POGZ: variants seen among roughly 807,000 people sequenced by gnomAD.
The protein encoded by POGZ is pogo transposable element derived with ZNF domain.
A neutral mutation model predicts 134.6 loss-of-function variants in POGZ; 17 were observed. The observed-to-expected ratio is 0.13, with a 90% CI of 0.09 to 0.19. POGZ has a LOEUF of 0.19. POGZ is among the 10% of genes least tolerant of loss of function. The probability of loss-of-function intolerance (pLI) is 1.00; values close to 1 mark genes in which losing one functional copy is unlikely to be tolerated. For synonymous variants in POGZ, 693 were observed against 657.1 expected (o/e 1.05, Z -0.84); for missense variants, 1,306 against 1,769.7 (o/e 0.74, Z 4.70).
In POGZ at chr1:151,404,642, T is replaced by C; in HGVS notation, c.*160A>G. On this transcript the variant is annotated 3_prime_UTR_variant, in exon 19 of 19. Transcript: ENST00000271715. ...TTGGTTTTCCTAATTAATCCACAAA[T>C]CCACAGGGAAGTGTAAGTCAACTTC... is the stretch of plus-strand genomic sequence containing the variant. 1 of 1,373,822 alleles carries C rather than the reference T, an allele frequency of 7.3e-7. No homozygotes were observed. Among genetic ancestry groups the C allele is most frequent in the Non-Finnish European group, 9.4e-7 (1 of 1,067,884 alleles). 85.1% of individuals were successfully genotyped at this position (1,373,822 alleles called of 1,614,324 possible). A position where few individuals can be genotyped will look rare whatever the true frequency, so the allele number is the denominator to read the frequency against.
intron 1 of POGZ, among the ~76,000 whole-genome samples, chr1:151,444,078 C>T (rs1195957279): frequency 6.6e-6 from 1 of 152,162 alleles, no homozygotes; most frequent in South Asian, 2.1e-4. Context: ...TCTTGCAGTG[C>T]CCCAGTGAGT....
At chr1:151,412,805 C>T (rs1201314356) in intron 10 of POGZ, among the ~76,000 whole-genome samples, 1 of 152,080 alleles carries the variant, frequency 6.6e-6, no homozygotes, top group Non-Finnish European at 1.5e-5. Context: ...TAGGAACTGT[C>T]ACTTCTCTAT....
chr1:151,457,876 G>A (rs1662959628), intron 1 of POGZ, among the ~76,000 whole-genome samples: 1 of 150,654 alleles, frequency 6.6e-6, no homozygotes, highest in Non-Finnish European at 1.5e-5. Context: ...GCAGTGAGCA[G>A]AGATCGTGCC....
chr1:151,441,962 G>A (rs1431400108), intron 2 of POGZ, 119 bp downstream of exon 2: 3 of 672,054 alleles, frequency 4.5e-6, no homozygotes, highest in African/African-American at 1.8e-5. Flanking sequence ...GCACCAGTGA[G>A]TGCCACAACG....
chr1:151,441,365 C>T (rs958862828), intron 2 of POGZ, among the ~76,000 whole-genome samples: 1 of 152,146 alleles, frequency 6.6e-6, no homozygotes, highest in Non-Finnish European at 1.5e-5. Flanking sequence ...CACTAGCAAA[C>T]CTCTAGGACT....
At position 151,425,045 on chromosome 1, in the gene POGZ, TG is replaced by T; in HGVS notation, c.1094del (p.Pro365GlnfsTer26). 6.4e-7 allele frequency: 1 copy of T among 1,566,532 alleles called. No individual in the cohort carries two copies. Among genetic ancestry groups the T allele is most frequent in the Non-Finnish European group, 8.8e-7 (1 of 1,141,880 alleles). ...ESSMKVTSSIPVFDLQDGGRK... is the reference protein window; with the variant it reads ...ESSMKVTSSIXVFDLQDGGRK... The stretch of plus-strand genomic sequence containing the variant: ...GTCCACCATCCTGGAGGTCAAATAC[TG>T]GGATGGAAGAGGTCACTGAAAGAAG... On this transcript the variant is annotated frameshift_variant, in exon 8 of 19. Transcript: ENST00000271715. LOFTEE classifies it high-confidence loss of function.
intron 1 of POGZ, 33 bp downstream of exon 1, chr1:151,459,119 G>A (rs557328112): frequency 1.3e-5 from 2 of 151,456 alleles, no homozygotes; most frequent in East Asian, 1.9e-4. Context: ...GGAGCAGGGG[G>A]TGGGGAGAGA....
chr1:151,421,767 T>C (rs1020529216), intron 10 of POGZ, among the ~76,000 whole-genome samples: 8 of 152,184 alleles, frequency 5.3e-5, no homozygotes, highest in Non-Finnish European at 7.3e-5. Flanking sequence ...TTTTCTTTTG[T>C]TTTGAGACAG....
rs531751408 is a variant in POGZ, at chr1:151,453,523, A to T, written c.-2+5629T>A. 2.7e-5 allele frequency among the ~76,000 whole-genome samples: 4 copies of T among 150,704 alleles called. No individual in the cohort carries two copies. The East Asian group carries it at 8.1e-4, about 30-fold the overall frequency. On this transcript the variant is annotated intron_variant, in intron 1 of 18. Coordinates refer to ENST00000271715, the MANE Select transcript of POGZ (RefSeq NM_015100.4). ...TAGTTAAATAAGAAATAACAAATTA[A>T]GGTGGATTATGTAGGCTACCAAGGA...
chr1:151,440,829 C>T (rs1309340834), intron 3 of POGZ, 99 bp downstream of exon 3: 1 of 940,072 alleles, frequency 1.1e-6, no homozygotes, highest in South Asian at 1.6e-5. Flanking sequence ...AGTAGAACCA[C>T]ATCTGTACCT....
chr1:151,458,192 G>A (rs1489946666), intron 1 of POGZ, among the ~76,000 whole-genome samples: 1 of 152,052 alleles, frequency 6.6e-6, no homozygotes, highest in Non-Finnish European at 1.5e-5. Context: ...CATCTGGAGA[G>A]GAAGGAAATA....
At position 151,407,302 on chromosome 1, in the gene POGZ, CA is replaced by C. The variant is rs764543577; in HGVS notation, c.2376-12del. 1 of 1,600,048 alleles carries C rather than the reference CA, an allele frequency of 6.2e-7. No individual in the cohort carries two copies. Among genetic ancestry groups the C allele is most frequent in the South Asian group, 1.1e-5 (1 of 88,652 alleles). On this transcript the variant is annotated splice_polypyrimidine_tract_variant and intron_variant, in intron 15 of 18. Coordinates refer to ENST00000271715, the MANE Select transcript of POGZ (RefSeq NM_015100.4). ...CGTGGAACATGATTGCTGAGAAAGA[CA>C]AAGAAGTGGTATGAGTTACGGAGTT...
At chr1:151,445,621 CAT>C (rs1571556975) in intron 1 of POGZ, among the ~76,000 whole-genome samples, 1 of 147,542 alleles carries the variant, frequency 6.8e-6, no homozygotes, top group African/African-American at 2.5e-5. Context: ...TTTTAAACAA[CAT>C]AGAAGATGGA....
intron 3 of POGZ, among the ~76,000 whole-genome samples, chr1:151,431,194 C>A (rs1658636613): frequency 6.6e-6 from 1 of 152,122 alleles, no homozygotes; most frequent in Admixed American, 6.5e-5. Context: ...CTACAACTAA[C>A]AGAAAAACAG....
At chr1:151,442,734 G>A (rs1439129910) in intron 1 of POGZ, among the ~76,000 whole-genome samples, 1 of 147,744 alleles carries the variant, frequency 6.8e-6, no homozygotes, top group Non-Finnish European at 1.5e-5. Flanking sequence ...AAAAAATTAG[G>A]ATTATAAAAG....
chr1:151,421,779 G>A (rs1656965177), intron 10 of POGZ, among the ~76,000 whole-genome samples: 1 of 152,174 alleles, frequency 6.6e-6, no homozygotes, highest in African/African-American at 2.4e-5. Context: ...TTGAGACAGA[G>A]ACTCGCTCTG....
At chr1:151,430,088 T>C (rs746778384) in intron 4 of POGZ, among the ~76,000 whole-genome samples, 4 of 151,742 alleles carry the variant, frequency 2.6e-5, no homozygotes, top group Non-Finnish European at 5.9e-5. Flanking sequence ...ATACAAACAA[T>C]CCTAAAAAAT....
chr1:151,405,573 T>A lies in POGZ; in HGVS notation c.3462A>T (p.Glu1154Asp), dbSNP rs755158294. ...TGGCTAGGACTACATCACACCAAGG[T>A]TCCCCTGTGCCCACTGTCTGCAGGG... ...ENALQTVGTG[E>D]PWCDVVLAIL... Residue 1154 changes from glutamate to aspartate, a missense_variant, in exon 19 of 19, where the codon GAA becomes GAT. Physicochemically the swap from Glu to Asp is conservative, Grantham distance 45. Coordinates refer to ENST00000271715, the MANE Select transcript of POGZ (RefSeq NM_015100.4). The surrounding 1 kb of genome is among the most constrained non-coding windows in gnomAD (Gnocchi z 4.9). The A allele has an allele frequency of 6.2e-7, 1 of 1,614,102 alleles. No homozygotes were observed. The highest frequency in any genetic ancestry group is 1.1e-5 in the South Asian group (1 of 91,084).
chr1:151,427,199 A>G (rs1415590305), intron 7 of POGZ: 1 of 152,262 alleles, frequency 6.6e-6, no homozygotes, highest in Non-Finnish European at 1.5e-5. Context: ...GTGAGCCACT[A>G]TACCTTGCGG....
Sources: allele counts gnomAD v4.1 joint callset (sites outside exome capture counted in the v4.1 genomes callset), GRCh38; gene constraint gnomAD v4.1.1; non-coding constraint Gnocchi (gnomAD v3.1); transcripts MANE v1.5; gene names NCBI Gene and HGNC (gene_info 2026-07-23, HGNC 2026-07-21).